Variants in ZSCAN12 observed in about 807,000 individuals in gnomAD.
The protein encoded by ZSCAN12 is zinc finger and SCAN domain containing 12, also known as zinc finger and SCAN domain-containing protein 12.
In ZSCAN12, 18 loss-of-function variants were observed where a neutral mutation model predicts 23.4. The ratio of observed to expected loss-of-function variants is 0.77; its 90% CI spans 0.53 to 1.14. The LOEUF is 1.14. Among genes scored for constraint, ZSCAN12 ranks in the 50% most tolerant of loss-of-function variants. The pLI, the probability that ZSCAN12 is intolerant of heterozygous loss-of-function variation, is 0.00. For synonymous variants in ZSCAN12, 186 were observed against 253.4 expected (o/e 0.73, Z 2.53); for missense variants, 650 against 735.0 (o/e 0.88, Z 1.34).
Position 28,390,174 on chromosome 6 carries a change from A to G in ZSCAN12, c.*280T>C, listed in dbSNP as rs188811685. ...TTACAAAGTACCACTTTCATTCGACACCATCTGGTGCATCAATTCTACTCT... is the reference window on the plus strand; with the variant it reads ...TTACAAAGTACCACTTTCATTCGACGCCATCTGGTGCATCAATTCTACTCT... On this transcript the variant is annotated 3_prime_UTR_variant, in exon 4 of 4. Coordinates refer to ENST00000684592, the MANE Select transcript of ZSCAN12 (RefSeq NM_001163391.2). Among the ~76,000 whole-genome samples, 90 of 152,314 alleles carry G rather than the reference A, an allele frequency of 5.9e-4. No individual in the cohort carries two copies. Among genetic ancestry groups the G allele is most frequent in the Admixed American group, 5.9e-4 (9 of 15,292 alleles).
At chr6:28,393,085 T>C in intron 2 of ZSCAN12, 39 bp from the exon 3 acceptor site, 1 of 1,545,384 alleles carries the variant, frequency 6.5e-7, no homozygotes, top group Non-Finnish European at 8.7e-7. Flanking sequence ...CTCACTCTGA[T>C]AACAGAAAAC....
At chr6:28,382,841 C>A (rs1454867101), downstream of ZSCAN12, among the ~76,000 whole-genome samples, 1 of 152,090 alleles carries the variant, frequency 6.6e-6, no homozygotes, top group Non-Finnish European at 1.5e-5. Context: ...CTTCCCTTGG[C>A]TCCCCCCCAC....
In ZSCAN12 at chr6:28,391,737, C is replaced by T. The variant is rs1178776574; in HGVS notation, c.553G>A (p.Asp185Asn). 6.6e-7 allele frequency: 1 copy of T among 1,522,894 alleles called. No individual in the cohort carries two copies. Among genetic ancestry groups the T allele is most frequent in the East Asian group, 2.4e-5 (1 of 40,824 alleles). 94.3% of individuals were successfully genotyped at this position (1,522,894 alleles called of 1,614,324 possible). A position where few individuals can be genotyped will look rare whatever the true frequency, so the allele number is the denominator to read the frequency against. The stretch of plus-strand genomic sequence containing the variant: ...CCATACTCATTTCCAGTCTCAACAT[C>T]TAAAACTAAGAAGGGATCATAAATG... ...ELESQQEQVL[D>N]VETGNEYGNL... The change falls in exon 4 of 4, where the codon GAT (aspartate) becomes AAT (asparagine). Residue 185 changes from aspartate to asparagine, a missense_variant. Physicochemically the swap from Asp to Asn is conservative, Grantham distance 23. Transcript: ENST00000684592. This position sits in a 1 kb window ranked among gnomAD's most constrained non-coding sequence, Gnocchi z 4.1.
At chr6:28,382,388 C>T, downstream of ZSCAN12, 1 of 1,457,806 alleles carries the variant, frequency 6.9e-7, no homozygotes, top group Non-Finnish European at 9.0e-7. Flanking sequence ...TAGCTATCTC[C>T]AGAGAGTAGC....
In ZSCAN12 at chr6:28,392,967, G is replaced by A. The variant is rs1401850591; in HGVS notation, c.482C>T (p.Ser161Phe). 5 of 1,552,038 alleles carry A rather than the reference G, an allele frequency of 3.2e-6. No individual in the cohort carries two copies. The highest frequency in any genetic ancestry group is 3.5e-6 in the Non-Finnish European group (4 of 1,147,078). The change falls in exon 3 of 4, where the codon TCC (serine) becomes TTC (phenylalanine). Residue 161 changes from serine to phenylalanine, a missense_variant. By Grantham distance (155) the Ser-to-Phe change is radical. Transcript: ENST00000684592. ...TGGCTGGGCTTTCATGGACTGGAGGGACATACTGGGTTCTCCTTCTTTTCG... is the reference window on the plus strand; with the variant it reads ...TGGCTGGGCTTTCATGGACTGGAGGAACATACTGGGTTCTCCTTCTTTTCG... ...RLRKEGEPSM[S>F]LQSMKAQPKY...
In ZSCAN12 at chr6:28,397,993, T is replaced by A. The variant is rs1235798053; in HGVS notation, c.402+11A>T. 1.4e-5 allele frequency: 21 copies of A among 1,550,128 alleles called. No individual in the cohort carries two copies. Among genetic ancestry groups the A allele is most frequent in the Non-Finnish European group, 1.8e-5 (21 of 1,151,658 alleles). ...TGTTTTCTCAAGCAGAAGTCACATCTTTTTTCTCACCTGCTCTCCTGGTTC... is the reference window on the plus strand; with the variant it reads ...TGTTTTCTCAAGCAGAAGTCACATCATTTTTCTCACCTGCTCTCCTGGTTC... On this transcript the variant is annotated intron_variant, in intron 2 of 3. Transcript: ENST00000684592.
chr6:28,383,488 G>A (rs941765684), downstream of ZSCAN12, among the ~76,000 whole-genome samples: 2 of 152,152 alleles, frequency 1.3e-5, no homozygotes, highest in Non-Finnish European at 2.9e-5. Flanking sequence ...TCCTCTCTGT[G>A]GTTGCCCGGC....
At position 28,398,056 on chromosome 6, in the gene ZSCAN12, A is replaced by G. The variant is rs201689283; in HGVS notation, c.350T>C (p.Val117Ala). Residue 117 changes from valine to alanine, a missense_variant, in exon 2 of 4, where the codon GTG (valine) becomes GCG (alanine). Coordinates refer to ENST00000684592, the MANE Select transcript of ZSCAN12 (RefSeq NM_001163391.2). ...QEQHPESGEE[V>A]VTVLEDLERE... Reference sequence around the variant, plus strand: ...CTCTAAATCCTCCAGCACAGTCACCACCTCCTCCCCACTCTCTGGATGCTG... The same window carrying G: ...CTCTAAATCCTCCAGCACAGTCACCGCCTCCTCCCCACTCTCTGGATGCTG... The G allele has an allele frequency of 5.0e-5, 80 of 1,612,080 alleles. 1 individual carries two copies. The South Asian group carries it at 8.5e-4, about 17-fold the overall frequency.
Position 28,391,738 on chromosome 6 carries a change from T to C in ZSCAN12, c.552A>G (p.Leu184=). Residue 184 remains leucine, a synonymous_variant, in exon 4 of 4, where the codon TTA becomes TTG. Coordinates refer to ENST00000684592, the MANE Select transcript of ZSCAN12 (RefSeq NM_001163391.2). The surrounding 1 kb of genome is among the most constrained non-coding windows in gnomAD (Gnocchi z 4.1). ...PELESQQEQV[L]DVETGNEYGN... ...CATACTCATTTCCAGTCTCAACATC[T>C]AAAACTAAGAAGGGATCATAAATGT... 1 of 1,522,578 alleles carries C rather than the reference T, an allele frequency of 6.6e-7. No homozygotes were observed. Among genetic ancestry groups the C allele is most frequent in the South Asian group, 1.2e-5 (1 of 80,054 alleles). The allele number at this position is 1,522,578 out of a possible 1,614,324, so 94.3% of individuals were successfully genotyped here.
intron 1 of ZSCAN12, 58 bp from the exon 2 acceptor site, chr6:28,398,531 T>C (rs1761245248): frequency 2.1e-6 from 2 of 967,136 alleles, no homozygotes; most frequent in Non-Finnish European, 2.9e-6. Flanking sequence ...AACTGCAAAT[T>C]CTGAGAACTT....
rs1760822348 is a variant in ZSCAN12, at chr6:28,391,379, C to T, written c.911G>A (p.Cys304Tyr). The change falls in exon 4 of 4, where the codon TGC becomes TAC. Residue 304 changes from cysteine to tyrosine, a missense_variant. Cys to Tyr is a radical substitution (Grantham distance 194, BLOSUM62 -2). Transcript: ENST00000684592. This position sits in a 1 kb window ranked among gnomAD's most constrained non-coding sequence, Gnocchi z 4.1. The stretch of plus-strand genomic sequence containing the variant: ...ACGGAAAGCTTTTCCACATTCTTCG[C>T]ATTTGTAGGGTCTATCTCCAGTATG... ...RIHTGDRPYKCEECGKAFRGR... is the reference protein window; with the variant it reads ...RIHTGDRPYKYEECGKAFRGR... 16 of 1,551,764 alleles carry T rather than the reference C, an allele frequency of 1.0e-5. No individual in the cohort carries two copies. The highest frequency in any genetic ancestry group is 1.4e-5 in the Non-Finnish European group (16 of 1,146,806).
intron 2 of ZSCAN12, among the ~76,000 whole-genome samples, chr6:28,397,465 T>C (rs910703353): frequency 6.6e-6 from 1 of 152,210 alleles, no homozygotes; most frequent in Non-Finnish European, 1.5e-5. Flanking sequence ...ATCTCAACTC[T>C]GCTATTTGGA....
chr6:28,391,821 A>G lies in ZSCAN12; in HGVS notation c.548-79T>C, dbSNP rs199579919. 333 of 1,219,546 alleles carry G rather than the reference A, an allele frequency of 2.7e-4. 2 individuals are homozygous for G. In the South Asian group the frequency reaches 2.8e-3, roughly 10 times the overall value. 75.5% of individuals were successfully genotyped at this position (1,219,546 alleles called of 1,614,324 possible). On this transcript the variant is annotated intron_variant, in intron 3 of 3. Coordinates refer to ENST00000684592, the MANE Select transcript of ZSCAN12 (RefSeq NM_001163391.2). This position sits in a 1 kb window ranked among gnomAD's most constrained non-coding sequence, Gnocchi z 4.1. ...ATTTTAATATTAAGCAGCTGTTTAG[A>G]AATAAAAAATGCAAGAGTCTACCAT...
Position 28,390,531 on chromosome 6 carries a change from C to T in ZSCAN12, c.1759G>A (p.Gly587Arg), listed in dbSNP as rs773228658. 1.1e-5 allele frequency: 17 copies of T among 1,559,078 alleles called. No individual in the cohort carries two copies. The highest frequency in any genetic ancestry group is 1.3e-5 in the Non-Finnish European group (15 of 1,151,834). Residue 587 changes from glycine (G) to arginine (R), a missense_variant, in exon 4 of 4, where the codon GGG becomes AGG. Transcript: ENST00000684592. Reference protein sequence around the residue: ...RRGTYVCKECGKSFRQNSALT... With the variant: ...RRGTYVCKECRKSFRQNSALT... ...GCTGAGTTCTGCCTGAATGATTTCC[C>T]ACACTCTTTACATACATAGGTACCA... is the stretch of plus-strand genomic sequence containing the variant.
intron 3 of ZSCAN12, among the ~76,000 whole-genome samples, chr6:28,392,375 A>T (rs1256567657): frequency 6.6e-6 from 1 of 152,020 alleles, no homozygotes; most frequent in Non-Finnish European, 1.5e-5. Flanking sequence ...ACGGGGTTTC[A>T]CCATGTTGGT....
At chr6:28,383,131 CTG>C (rs1434477252), downstream of ZSCAN12, among the ~76,000 whole-genome samples, 1 of 91,674 alleles carries the variant, frequency 1.1e-5, no homozygotes, top group Non-Finnish European at 2.0e-5. Context: ...TAGGTGGATT[CTG>C]TCTTTTCTTG....
chr6:28,394,667 A>G (rs1761017086), intron 2 of ZSCAN12, among the ~76,000 whole-genome samples: 1 of 152,190 alleles, frequency 6.6e-6, no homozygotes, highest in African/African-American at 2.4e-5. Flanking sequence ...ATACAAATTC[A>G]GCACATTTAA....
intron 2 of ZSCAN12, among the ~76,000 whole-genome samples, chr6:28,395,242 T>G (rs1761047239): frequency 6.6e-6 from 1 of 152,086 alleles, no homozygotes; most frequent in Non-Finnish European, 1.5e-5. Context: ...GCCCAAACCC[T>G]AAGTTTTGAT....
Position 28,385,430 on chromosome 6 carries a change from C to T in ZSCAN12, c.*5024G>A, listed in dbSNP as rs908305173. 1.3e-5 allele frequency among the ~76,000 whole-genome samples: 2 copies of T among 152,142 alleles called. No individual in the cohort carries two copies. Among genetic ancestry groups the T allele is most frequent in the African/African-American group, 4.8e-5 (2 of 41,420 alleles). ...AATATTATTACCTGAGGTGTTTGGA[C>T]TCCAGGACTTTCTGAATCATTTTTC... On this transcript the variant is annotated 3_prime_UTR_variant, in exon 4 of 4. Coordinates refer to ENST00000684592, the MANE Select transcript of ZSCAN12 (RefSeq NM_001163391.2).
Sources: gnomAD v4.1 joint callset for allele counts (sites outside exome capture counted in the v4.1 genomes callset) on GRCh38, gnomAD v4.1.1 for gene constraint, Gnocchi (gnomAD v3.1) non-coding constraint, MANE v1.5 for transcripts, NCBI Gene and HGNC (gene_info 2026-07-23, HGNC 2026-07-21) for gene names.